Variants in TRAPPC3 observed in about 807,000 individuals in gnomAD.
TRAPPC3 encodes trafficking protein particle complex 3.
In TRAPPC3, 5 loss-of-function variants were observed where a neutral mutation model predicts 18.2. The observed-to-expected ratio is 0.28, with a 90% CI of 0.14 to 0.58. The LOEUF is 0.58. TRAPPC3 is among the 20% of genes least tolerant of loss of function. The pLI is 0.91. For synonymous variants in TRAPPC3, 65 were observed against 84.2 expected (o/e 0.77, Z 1.25); for missense variants, 176 against 225.9 (o/e 0.78, Z 1.41).
In TRAPPC3 at chr1:36,149,415, G is replaced by GTTA; in HGVS notation, c.-40_-38dup. The stretch of plus-strand genomic sequence containing the variant: ...CCCCGCCCCACTCGCCTAGCCACGG[G>GTTA]TTAGCTCGGCGACCCCTGCAGACGC... On this transcript the variant is annotated 5_prime_UTR_variant, in exon 1 of 5. Coordinates refer to ENST00000373166, the MANE Select transcript of TRAPPC3 (RefSeq NM_014408.5). 6.2e-7 allele frequency: 1 copy of GTTA among 1,610,444 alleles called. No homozygotes were observed. The highest frequency in any genetic ancestry group is 2.2e-5 in the East Asian group (1 of 44,846).
intron 4 of TRAPPC3, 138 bp downstream of exon 4, chr1:36,137,658 C>T: frequency 1.1e-6 from 1 of 920,682 alleles, no homozygotes; most frequent in Non-Finnish European, 1.6e-6. Flanking sequence ...TGGATCCTAC[C>T]TCAGCAGCAT....
chr1:36,145,020 C>CT (rs962718187), intron 1 of TRAPPC3, among the ~76,000 whole-genome samples: 47 of 151,812 alleles, frequency 3.1e-4, no homozygotes, highest in African/African-American at 1.1e-3. Flanking sequence ...GGAGGCTGAT[C>CT]TTTTTTTTCT....
chr1:36,146,065 A>G (rs1644193802), intron 1 of TRAPPC3, among the ~76,000 whole-genome samples: 2 of 151,960 alleles, frequency 1.3e-5, no homozygotes, highest in South Asian at 4.2e-4. Context: ...GGCGTGAGCC[A>G]CAGCACCCGG....
chr1:36,140,461 G>A (rs1298486477), intron 1 of TRAPPC3: 13 of 281,690 alleles, frequency 4.6e-5, no homozygotes, highest in Non-Finnish European at 8.6e-5. Context: ...CAGCTGTCAA[G>A]CCTAAGATCA....
intron 1 of TRAPPC3, among the ~76,000 whole-genome samples, chr1:36,147,414 G>A (rs1644217336): frequency 6.6e-6 from 1 of 151,552 alleles, no homozygotes; most frequent in Non-Finnish European, 1.5e-5. Flanking sequence ...TGGAGGGACT[G>A]CTTGAGCCCA....
At chr1:36,148,975 T>C in intron 1 of TRAPPC3, 2 of 876,692 alleles carry the variant, frequency 2.3e-6, no homozygotes, top group Non-Finnish European at 2.9e-6. Context: ...AAAACGGCAA[T>C]GTTATCCATC....
rs182631812 is a variant in TRAPPC3, at chr1:36,141,150, T to C, written c.43-984A>G. ...TCCAGCCTGGGCGACAGAGCAAGAC[T>C]CTGTCAAAAAAAAAAGAAGAATTCT... On this transcript the variant is annotated intron_variant, in intron 1 of 4. Transcript: ENST00000373166. Among the ~76,000 whole-genome samples, 230 of 103,042 alleles carry C rather than the reference T, an allele frequency of 2.2e-3. 1 individual carries two copies. Among genetic ancestry groups the C allele is most frequent in the African/African-American group, 5.9e-3 (206 of 34,788 alleles). The allele number at this position is 103,042 out of a possible 152,430, so 67.6% of individuals were successfully genotyped here. A position where few individuals can be genotyped will look rare whatever the true frequency, so the allele number is the denominator to read the frequency against.
At chr1:36,153,579 T>C (rs1644286629), upstream of TRAPPC3, among the ~76,000 whole-genome samples, 1 of 152,204 alleles carries the variant, frequency 6.6e-6, no homozygotes, top group Admixed American at 6.5e-5. Context: ...TACTGACATT[T>C]TGCACCTGAG....
intron 3 of TRAPPC3, chr1:36,138,353 T>TA (rs1022736861): frequency 8.5e-6 from 10 of 1,171,394 alleles, no homozygotes; most frequent in Non-Finnish European, 1.2e-5. Flanking sequence ...CCCACTTCTC[T>TA]GTCCTCTGTC....
upstream of TRAPPC3, among the ~76,000 whole-genome samples, chr1:36,150,532 C>A (rs1427982588): frequency 6.6e-6 from 1 of 152,222 alleles, no homozygotes; most frequent in Admixed American, 6.5e-5. Flanking sequence ...TGCATTCTGG[C>A]CCCTAGCCCT....
At chr1:36,150,351 A>G (rs1190075419), upstream of TRAPPC3, among the ~76,000 whole-genome samples, 1 of 152,246 alleles carries the variant, frequency 6.6e-6, no homozygotes, top group Non-Finnish European at 1.5e-5. Context: ...CACGAAGGGA[A>G]TGTGCTGGCT....
intron 1 of TRAPPC3, among the ~76,000 whole-genome samples, chr1:36,141,684 G>A (rs1351720518): frequency 6.6e-6 from 1 of 152,188 alleles, no homozygotes; most frequent in Non-Finnish European, 1.5e-5. Flanking sequence ...AGGAGGCTGG[G>A]CGCGGTGGCT....
chr1:36,152,561 C>T (rs1351857223), upstream of TRAPPC3, among the ~76,000 whole-genome samples: 2 of 152,124 alleles, frequency 1.3e-5, no homozygotes, highest in Non-Finnish European at 2.9e-5. Flanking sequence ...CTGCCCACCT[C>T]GGCCTCCCAG....
intron 3 of TRAPPC3, chr1:36,138,180 A>C: frequency 6.4e-7 from 1 of 1,550,782 alleles, no homozygotes; most frequent in Non-Finnish European, 8.7e-7. Context: ...GGCATCATAC[A>C]GTTTTGCCTG....
chr1:36,139,883 T>C, intron 2 of TRAPPC3, 64 bp from the exon 3 acceptor site: 2 of 1,591,316 alleles, frequency 1.3e-6, no homozygotes, highest in Non-Finnish European at 8.6e-7. Flanking sequence ...GAACATAAGG[T>C]TGTTGGTGGT....
At chr1:36,143,132 A>C (rs760560207) in intron 1 of TRAPPC3, among the ~76,000 whole-genome samples, 2 of 152,230 alleles carry the variant, frequency 1.3e-5, no homozygotes, top group African/African-American at 4.8e-5. Context: ...GTGCCAGGCT[A>C]TCTAACAGGA....
In TRAPPC3 at chr1:36,144,745, A is replaced by T. The variant is rs562333185; in HGVS notation, c.43-4579T>A. Among the ~76,000 whole-genome samples, 15 of 152,336 alleles carry T rather than the reference A, an allele frequency of 9.8e-5. No individual in the cohort carries two copies. The Middle Eastern group carries it at 0.01, about 104-fold the overall frequency. On this transcript the variant is annotated intron_variant, in intron 1 of 4. Transcript: ENST00000373166. ...TAAGCCTCAATCTTCTAACTCAAAA[A>T]AAGTAACAGTAAAACAGTAAAATCT... is the stretch of plus-strand genomic sequence containing the variant.
At chr1:36,139,321 C>G (rs920141695) in intron 3 of TRAPPC3, 1 of 165,662 alleles carries the variant, frequency 6.0e-6, no homozygotes, top group African/African-American at 2.4e-5. Flanking sequence ...CCACGCCCAG[C>G]AAACTTTTGT....
At chr1:36,143,809 G>A (rs1256246778) in intron 1 of TRAPPC3, among the ~76,000 whole-genome samples, 3 of 152,196 alleles carry the variant, frequency 2.0e-5, no homozygotes, top group Admixed American at 6.5e-5. Flanking sequence ...CTAAGCCACT[G>A]CTTAATCTTC....
Sources: allele counts gnomAD v4.1 joint callset (sites outside exome capture counted in the v4.1 genomes callset), GRCh38; gene constraint gnomAD v4.1.1; transcripts MANE v1.5; gene names NCBI Gene and HGNC (gene_info 2026-07-23, HGNC 2026-07-21).